SMC5: variants seen among roughly 807,000 people sequenced by gnomAD.
The protein encoded by SMC5 is structural maintenance of chromosomes protein 5.
A neutral mutation model predicts 148.3 loss-of-function variants in SMC5; 88 were observed. The ratio of observed to expected loss-of-function variants is 0.59; its 90% CI spans 0.50 to 0.71. The LOEUF (loss-of-function observed/expected upper bound fraction) is 0.71, where lower values mean the gene tolerates loss of function less well. Among genes scored for constraint, SMC5 ranks in the 30% least tolerant of loss-of-function variants. The pLI is 0.00. For synonymous variants in SMC5, 421 were observed against 432.8 expected (o/e 0.97, Z 0.34); for missense variants, 1,142 against 1,298.9 (o/e 0.88, Z 1.86).
chr9:70,351,081 C>G (rs1195499347), intron 24 of SMC5, among the ~76,000 whole-genome samples: 1 of 152,082 alleles, frequency 6.6e-6, no homozygotes, highest in Admixed American at 6.5e-5. Context: ...GCCAGGTGCA[C>G]TGGCTCATAC....
chr9:70,268,283 T>C (rs1030853215), intron 3 of SMC5, among the ~76,000 whole-genome samples: 7 of 151,998 alleles, frequency 4.6e-5, no homozygotes, highest in South Asian at 2.1e-4. Context: ...CCGTCTCTAC[T>C]AAAAATAGAA....
chr9:70,317,241 T>C (rs1347280496), intron 13 of SMC5, among the ~76,000 whole-genome samples: 1 of 152,120 alleles, frequency 6.6e-6, no homozygotes, highest in Non-Finnish European at 1.5e-5. Flanking sequence ...AGAATAAAAG[T>C]ATACTCTTTA....
chr9:70,297,185 C>T (rs1284251903), intron 8 of SMC5, among the ~76,000 whole-genome samples: 4 of 152,114 alleles, frequency 2.6e-5, no homozygotes, highest in Non-Finnish European at 5.9e-5. Flanking sequence ...TTCACATACA[C>T]CTTATACACA....
intron 3 of SMC5, among the ~76,000 whole-genome samples, chr9:70,275,091 T>A (rs1208849564): frequency 6.6e-6 from 1 of 152,158 alleles, no homozygotes; most frequent in East Asian, 1.9e-4. Flanking sequence ...AACACTCAGT[T>A]TTTAATCTGA....
At chr9:70,329,638 C>T (rs759684277) in intron 17 of SMC5, among the ~76,000 whole-genome samples, 4 of 152,186 alleles carry the variant, frequency 2.6e-5, no homozygotes, top group Admixed American at 1.3e-4. Flanking sequence ...CAAACTTTCC[C>T]TCATCTTCCT....
chr9:70,288,022 G>T (rs2034957671), intron 8 of SMC5, among the ~76,000 whole-genome samples: 1 of 151,952 alleles, frequency 6.6e-6, no homozygotes, highest in Non-Finnish European at 1.5e-5. Context: ...TCATGGGATG[G>T]ATCCCTTTTT....
chr9:70,339,471 T>C (rs995046941), intron 17 of SMC5, among the ~76,000 whole-genome samples: 6 of 152,048 alleles, frequency 3.9e-5, no homozygotes, highest in Non-Finnish European at 8.8e-5. Context: ...TAAAATTATG[T>C]AGTAGAATAG....
At chr9:70,336,543 CA>C (rs1293385442) in intron 17 of SMC5, among the ~76,000 whole-genome samples, 3 of 152,130 alleles carry the variant, frequency 2.0e-5, no homozygotes, top group Admixed American at 6.5e-5. Flanking sequence ...AAAAAGCAAT[CA>C]AAGGTAAGTT....
intron 13 of SMC5, 118 bp from the exon 14 acceptor site, chr9:70,318,396 A>T: frequency 1.1e-6 from 1 of 878,626 alleles, no homozygotes; most frequent in South Asian, 2.4e-5. Flanking sequence ...TAAAAAAAAA[A>T]AATGTATATC....
chr9:70,275,998 TG>T (rs141605918), intron 3 of SMC5, among the ~76,000 whole-genome samples: 5,323 of 152,308 alleles, frequency 0.035, 124 homozygotes, highest in Non-Finnish European at 0.054. Context: ...TCTTCTTGTG[TG>T]TGTGTTTGTA....
At chr9:70,273,454 A>C (rs182366816) in intron 3 of SMC5, among the ~76,000 whole-genome samples, 31 of 152,058 alleles carry the variant, frequency 2.0e-4, no homozygotes, top group African/African-American at 5.1e-4. Context: ...GTTTTTTTCA[A>C]TGAACTAACT....
chr9:70,286,513 T>C (rs1280357504), intron 8 of SMC5, among the ~76,000 whole-genome samples: 3 of 152,148 alleles, frequency 2.0e-5, no homozygotes, highest in African/African-American at 7.2e-5. Context: ...GGCTGTAGTT[T>C]TTTAATAGGA....
rs542589472 is a variant in SMC5, at chr9:70,268,486, T to G, written c.380+511T>G. Among the ~76,000 whole-genome samples the G allele has an allele frequency of 5.3e-5, 8 of 152,156 alleles. No individual in the cohort carries two copies. The East Asian group carries it at 1.5e-3, about 29-fold the overall frequency. On this transcript the variant is annotated intron_variant, in intron 3 of 24. Transcript: ENST00000361138. Reference sequence around the variant, plus strand: ...CCAAAAAAAAAACTTGTGAGAATTTTATTTTAAAAAATTATCAAGGAAATG... The same window carrying G: ...CCAAAAAAAAAACTTGTGAGAATTTGATTTTAAAAAATTATCAAGGAAATG...
chr9:70,338,332 A>T (rs1033071121), intron 17 of SMC5, among the ~76,000 whole-genome samples: 3 of 152,150 alleles, frequency 2.0e-5, no homozygotes, highest in African/African-American at 7.2e-5. Flanking sequence ...TTTAAAGTTA[A>T]CTGGAGAAAC....
intron 9 of SMC5, 122 bp from the exon 10 acceptor site, chr9:70,299,924 G>A (rs1377637615): frequency 2.0e-5 from 15 of 748,254 alleles, no homozygotes; most frequent in Non-Finnish European, 2.9e-5. Flanking sequence ...CACTATGGGA[G>A]TTACTTGCTG....
intron 1 of SMC5, among the ~76,000 whole-genome samples, chr9:70,262,277 C>T (rs938805372): frequency 6.6e-5 from 10 of 152,002 alleles, no homozygotes; most frequent in Admixed American, 5.9e-4. Context: ...GAAAGAAGTA[C>T]ATTATAGGTA....
In SMC5 at chr9:70,350,023, C is replaced by G. The variant is rs542636455; in HGVS notation, c.2890-91C>G. On this transcript the variant is annotated intron_variant, in intron 22 of 24. Transcript: ENST00000361138. ...GTGTCACTAAATTTTGAGTTCTTTA[C>G]TCTTACTCAGTTAATTCAATCCATT... is the stretch of plus-strand genomic sequence containing the variant. 21 of 862,142 alleles carry G rather than the reference C, an allele frequency of 2.4e-5. No homozygotes were observed. In the Admixed American group the frequency reaches 4.6e-4, roughly 19 times the overall value. The allele number at this position is 862,142 out of a possible 1,614,324, so 53.4% of individuals were successfully genotyped here. A position where few individuals can be genotyped will look rare whatever the true frequency, so the allele number is the denominator to read the frequency against.
At chr9:70,347,738 C>T (rs942562744) in intron 21 of SMC5, 21 bp downstream of exon 21, 1 of 1,416,136 alleles carries the variant, frequency 7.1e-7, no homozygotes, top group South Asian at 1.3e-5. Context: ...AGTTTTTAAT[C>T]TTTTTATCAT....
chr9:70,347,921 A>G lies in SMC5; in HGVS notation c.2772A>G (p.Val924=). ...TTTTATATTGCCTTTATTTGTAGGT[A>G]AAAGAAAGGTGGCTTAATCCTTTAA... ...LDQYRENISQ[V]KERWLNPLKE... Residue 924 remains valine (V), a splice_region_variant and synonymous_variant, in exon 22 of 25, where the codon GTA becomes GTG. Transcript: ENST00000361138. The G allele has an allele frequency of 1.3e-6, 2 of 1,578,480 alleles. No individual in the cohort carries two copies.
Sources: gnomAD v4.1 joint callset for allele counts (sites outside exome capture counted in the v4.1 genomes callset) on GRCh38, gnomAD v4.1.1 for gene constraint, MANE v1.5 for transcripts, NCBI Gene and HGNC (gene_info 2026-07-23, HGNC 2026-07-21) for gene names.